CHD6: variants seen among roughly 807,000 people sequenced by gnomAD.
The protein encoded by CHD6 is ATP-dependent chromatin remodeler CHD6.
CHD6 carries 50 observed loss-of-function variants against 276.9 expected under a neutral mutation model. That is an observed-to-expected ratio of 0.18 (90% confidence interval 0.14 to 0.23). The LOEUF (loss-of-function observed/expected upper bound fraction) is 0.23, where lower values mean the gene tolerates loss of function less well. Ranked by LOEUF, CHD6 falls within the 10% of genes least tolerant of loss-of-function variation. CHD6 has a pLI of 1.00. For synonymous variants in CHD6, 1,173 were observed against 1,229.3 expected (o/e 0.95, Z 0.96); for missense variants, 2,564 against 3,365.8 (o/e 0.76, Z 5.89).
At chr20:41,425,068 A>G (rs1213411663) in intron 29 of CHD6, 110 bp downstream of exon 29, 1 of 797,168 alleles carries the variant, frequency 1.3e-6, no homozygotes, top group Non-Finnish European at 2.1e-6. Context: ...GAGACAACCT[A>G]ACTTCACATG....
At chr20:41,569,146 G>C (rs2045389778) in intron 1 of CHD6, among the ~76,000 whole-genome samples, 1 of 152,152 alleles carries the variant, frequency 6.6e-6, no homozygotes, top group South Asian at 2.1e-4. Flanking sequence ...GAAAGCTCTG[G>C]GTGAATGATG....
chr20:41,413,725 G>T, intron 34 of CHD6: 1 of 450,010 alleles, frequency 2.2e-6, no homozygotes, highest in Non-Finnish European at 3.9e-6. Flanking sequence ...CTTCACCTGA[G>T]CACTCCTCTC....
rs563193695 is a variant in CHD6 at position 41,479,910 on chromosome 20, T to C, written c.2468+3399A>G. Among the ~76,000 whole-genome samples, 95 of 152,194 alleles carry C rather than the reference T, an allele frequency of 6.2e-4. 1 individual carries two copies. The highest frequency in any genetic ancestry group is 3.4e-3 in the Middle Eastern group (1 of 294). On this transcript the variant is annotated intron_variant, in intron 16 of 36. Transcript: ENST00000373233. ...TTCTAAAAAGAACAAACATAACACATACACAGACTAAGAATCCTACAGGCT... is the reference window on the plus strand; with the variant it reads ...TTCTAAAAAGAACAAACATAACACACACACAGACTAAGAATCCTACAGGCT...
intron 36 of CHD6, among the ~76,000 whole-genome samples, chr20:41,407,839 C>T (rs1448369882): frequency 2.6e-5 from 4 of 152,260 alleles, no homozygotes; most frequent in Non-Finnish European, 2.9e-5. Context: ...CGAGACGCCA[C>T]GAAGGAAGCA....
rs1346775761 is a variant in CHD6 at position 41,473,090 on chromosome 20, C to T, written c.2664+232G>A. 4.3e-6 allele frequency: 2 copies of T among 469,428 alleles called. No homozygotes were observed. Among genetic ancestry groups the T allele is most frequent in the Non-Finnish European group, 7.6e-6 (2 of 264,860 alleles). 29.1% of individuals were successfully genotyped at this position (469,428 alleles called of 1,614,324 possible). ...AGTTCTAGTCTATATCTGGAGGCTA[C>T]CACTGTGAAACATCATTTGATTTAA... On this transcript the variant is annotated intron_variant, in intron 17 of 36. Transcript: ENST00000373233. This position sits in a 1 kb window ranked among gnomAD's most constrained non-coding sequence, Gnocchi z 4.1.
chr20:41,421,641 A>G lies in CHD6; in HGVS notation c.4994T>C (p.Val1665Ala). ...LENEPENLVR[V>A]ESRDDHLSLP... ...GCTGAGATGATCATCTCTGCTTTCTACTCTCACTAGATTTTCAGGTTCATT... is the reference window on the plus strand; with the variant it reads ...GCTGAGATGATCATCTCTGCTTTCTGCTCTCACTAGATTTTCAGGTTCATT... Residue 1665 changes from valine (V) to alanine (A), a missense_variant, in exon 31 of 37, where the codon GTA (valine) becomes GCA (alanine). Val to Ala is a moderately conservative substitution (Grantham distance 64, BLOSUM62 0). Transcript: ENST00000373233. 6.2e-7 allele frequency: 1 copy of G among 1,613,580 alleles called. No homozygotes were observed. The highest frequency in any genetic ancestry group is 8.5e-7 in the Non-Finnish European group (1 of 1,179,744).
At chr20:41,445,638 AGG>A in intron 25 of CHD6, 25 bp downstream of exon 25, 5 of 1,493,788 alleles carry the variant, frequency 3.3e-6, no homozygotes, top group Non-Finnish European at 4.7e-6. Flanking sequence ...CTGATACAGA[AGG>A]GAACGCCTTC....
intron 27 of CHD6, 26 bp from the exon 28 acceptor site, chr20:41,426,179 C>T: frequency 5.1e-6 from 8 of 1,553,416 alleles, no homozygotes; most frequent in Non-Finnish European, 7.1e-6. Context: ...GCCATCCCAT[C>T]AGCAAAACTG....
intron 36 of CHD6, among the ~76,000 whole-genome samples, chr20:41,406,495 G>A (rs778243112): frequency 6.6e-6 from 1 of 152,226 alleles, no homozygotes. Context: ...AAGGCAGCAC[G>A]TGGAAAGGAA....
intron 1 of CHD6, among the ~76,000 whole-genome samples, chr20:41,593,321 T>C (rs1204630960): frequency 6.6e-6 from 1 of 152,180 alleles, no homozygotes; most frequent in African/African-American, 2.4e-5. Flanking sequence ...CTTTACACTT[T>C]GGTTTCTTTA....
chr20:41,469,286 A>T (rs537668637), intron 17 of CHD6, among the ~76,000 whole-genome samples: 4 of 152,300 alleles, frequency 2.6e-5, no homozygotes, highest in African/African-American at 9.6e-5. Context: ...GGAAGGACGC[A>T]GAACTGTGCA....
At chr20:41,489,678 A>T in intron 12 of CHD6, 100 bp downstream of exon 12, 1 of 1,451,764 alleles carries the variant, frequency 6.9e-7, no homozygotes, top group Non-Finnish European at 9.6e-7. Context: ...ATTCCACATT[A>T]ATACAAGATG....
Position 41,554,466 on chromosome 20 carries a change from T to C in CHD6, c.-23-3106A>G, listed in dbSNP as rs374780935. Among the ~76,000 whole-genome samples the C allele has an allele frequency of 3.0e-4, 46 of 151,698 alleles. 1 individual carries two copies. The South Asian group carries it at 9.0e-3, about 30-fold the overall frequency. ...GGGATTTGGCAGGGTCATAGGACAATAGTGGAGGGAAGGTCAGCAGATAAA... is the reference window on the plus strand; with the variant it reads ...GGGATTTGGCAGGGTCATAGGACAACAGTGGAGGGAAGGTCAGCAGATAAA... On this transcript the variant is annotated intron_variant, in intron 1 of 36. Coordinates refer to ENST00000373233, the MANE Select transcript of CHD6 (RefSeq NM_032221.5).
chr20:41,432,015 C>T (rs1600843391), intron 27 of CHD6, among the ~76,000 whole-genome samples: 1 of 151,890 alleles, frequency 6.6e-6, no homozygotes, highest in Non-Finnish European at 1.5e-5. Context: ...AAAATATTAG[C>T]TGGGCATGGT....
chr20:41,420,887 G>A lies in CHD6; in HGVS notation c.5748C>T (p.Ser1916=). The A allele has an allele frequency of 1.9e-6, 3 of 1,614,198 alleles. No homozygotes were observed. Among genetic ancestry groups the A allele is most frequent in the East Asian group, 2.2e-5 (1 of 44,876 alleles). The change falls in exon 31 of 37, where the codon AGC becomes AGT. Residue 1916 remains serine (S), a synonymous_variant. Transcript: ENST00000373233. ...CAGGAGTCTGGTTTGCCACCTCTAAGCTTCCTTTCTTGGTTTCATCTTGGA... is the reference window on the plus strand; with the variant it reads ...CAGGAGTCTGGTTTGCCACCTCTAAACTTCCTTTCTTGGTTTCATCTTGGA... The part of the protein sequence containing the change: ...QGFQDETKKG[S]LEVANQTPGL...
chr20:41,511,130 A>G (rs1044926717), intron 5 of CHD6, among the ~76,000 whole-genome samples: 2 of 152,244 alleles, frequency 1.3e-5, no homozygotes, highest in African/African-American at 4.8e-5. Flanking sequence ...AGAGTGAAAG[A>G]ATAAGCGGAA....
At chr20:41,415,051 A>T in intron 34 of CHD6, 135 bp downstream of exon 34, 1 of 1,458,458 alleles carries the variant, frequency 6.9e-7, no homozygotes, top group East Asian at 2.3e-5. Context: ...AGGGCATCTT[A>T]TAATGAGAGA....
At chr20:41,488,717 C>T (rs948206699) in intron 12 of CHD6, 113 bp from the exon 13 acceptor site, 4 of 848,600 alleles carry the variant, frequency 4.7e-6, no homozygotes, top group Non-Finnish European at 7.2e-6. Flanking sequence ...GGTGAGAAGA[C>T]AAGCACTGCT....
At chr20:41,600,486 C>G (rs1034345309) in intron 1 of CHD6, among the ~76,000 whole-genome samples, 1 of 152,116 alleles carries the variant, frequency 6.6e-6, no homozygotes, top group Non-Finnish European at 1.5e-5. Context: ...AGTGTTGGAA[C>G]AGTCTCTATG....
Sources: gnomAD v4.1 joint callset for allele counts (sites outside exome capture counted in the v4.1 genomes callset) on GRCh38, gnomAD v4.1.1 for gene constraint, Gnocchi (gnomAD v3.1) non-coding constraint, MANE v1.5 for transcripts, NCBI Gene and HGNC (gene_info 2026-07-23, HGNC 2026-07-21) for gene names.